The following HSCB variants were observed in gnomAD, a reference collection of about 807,000 sequenced individuals.
HSCB encodes the protein HscB mitochondrial iron-sulfur cluster cochaperone.
A neutral mutation model predicts 31.3 loss-of-function variants in HSCB; 23 were observed. The ratio of observed to expected loss-of-function variants is 0.74; its 90% confidence interval spans 0.53 to 1.04. The LOEUF (loss-of-function observed/expected upper bound fraction) is 1.04. Among genes scored for constraint, HSCB ranks in the 50% least tolerant of loss-of-function variants. The pLI is 0.00. For synonymous variants in HSCB, 110 were observed against 104.5 expected (o/e 1.05, Z -0.32); for missense variants, 297 against 288.1 (o/e 1.03, Z -0.22).
rs547852665 is a variant in HSCB at position 28,745,750 on chromosome 22, G to A, written c.424-114G>A. 362 of 833,504 alleles carry A rather than the reference G, an allele frequency of 4.3e-4. 2 individuals carry two copies. The highest frequency in any genetic ancestry group is 1.4e-3 in the Middle Eastern group (5 of 3,518). 51.6% of individuals were successfully genotyped at this position (833,504 alleles called of 1,614,324 possible). ...TGATACCCCTTAGTCTTTCATTATCGGGACAGTTGCAGTTTTCTCTATTAG... is the reference window on the plus strand; with the variant it reads ...TGATACCCCTTAGTCTTTCATTATCAGGACAGTTGCAGTTTTCTCTATTAG... On this transcript the variant is annotated intron_variant, in intron 3 of 5. Coordinates refer to ENST00000216027, the MANE Select transcript of HSCB (RefSeq NM_172002.5).
intron 5 of HSCB, among the ~76,000 whole-genome samples, chr22:28,753,283 T>C (rs931414157): frequency 5.9e-5 from 9 of 151,952 alleles, no homozygotes; most frequent in African/African-American, 1.9e-4. Flanking sequence ...CCCAGCACTT[T>C]GGGAGGCTGA....
chr22:28,749,023 C>T (rs966766269), intron 4 of HSCB, among the ~76,000 whole-genome samples: 1 of 152,072 alleles, frequency 6.6e-6, no homozygotes, highest in Non-Finnish European at 1.5e-5. Flanking sequence ...TGCCTGTAGT[C>T]CCTGCTACTC....
chr22:28,755,140 G>A (rs1272326289), intron 5 of HSCB, among the ~76,000 whole-genome samples: 2 of 148,526 alleles, frequency 1.3e-5, no homozygotes, highest in African/African-American at 2.5e-5. Flanking sequence ...GCCGGGCGCG[G>A]TGGCTCACGC....
At chr22:28,742,521 A>G (rs1488459041) in intron 1 of HSCB, 190 bp downstream of exon 1, 2 of 1,020,086 alleles carry the variant, frequency 2.0e-6, no homozygotes, top group Non-Finnish European at 2.8e-6. Context: ...GACTGAGGGA[A>G]GCAACGTTGA....
intron 4 of HSCB, among the ~76,000 whole-genome samples, chr22:28,749,366 C>G (rs2030068617): frequency 6.6e-6 from 1 of 152,088 alleles, no homozygotes; most frequent in Admixed American, 6.6e-5. Flanking sequence ...TTAAGTTAAC[C>G]CCTCCTTCTT....
At chr22:28,744,132 C>T (rs2054643277) in intron 2 of HSCB, among the ~76,000 whole-genome samples, 154 bp downstream of exon 2, 1 of 152,232 alleles carries the variant, frequency 6.6e-6, no homozygotes, top group Non-Finnish European at 1.5e-5. Context: ...CCAGAGCTGC[C>T]ATTCACTCAC....
In HSCB at chr22:28,752,772, G is replaced by A. The variant is rs531193472; in HGVS notation, c.616+1484G>A. On this transcript the variant is annotated intron_variant, in intron 5 of 5. Coordinates refer to ENST00000216027, the MANE Select transcript of HSCB (RefSeq NM_172002.5). ...AATTTGTTGACAGGAGACCTGCCAC[G>A]TAAAAAAAATGTTAAAAGAATTGAT... Among the ~76,000 whole-genome samples the A allele has an allele frequency of 2.3e-3, 355 of 151,466 alleles. 2 individuals are homozygous for A. Among genetic ancestry groups the A allele is most frequent in the African/African-American group, 8.2e-3 (337 of 41,298 alleles).
intron 4 of HSCB, among the ~76,000 whole-genome samples, chr22:28,750,943 G>GTCTTTTTTTTTTTTTTT (rs2030185852): frequency 1.6e-5 from 1 of 62,050 alleles, no homozygotes; most frequent in Non-Finnish European, 3.1e-5. Context: ...GTATATCTTT[G>GTCTTTTTTTTTTTTTTT]TCTTTTTTTT....
At position 28,750,945 on chromosome 22, in the gene HSCB, C is replaced by CTTTTTTTTTTTTTTTTTTTTT. The variant is rs758451182; in HGVS notation, c.569-292_569-272dup. On this transcript the variant is annotated intron_variant, in intron 4 of 5. Transcript: ENST00000216027. ...GGAGATAATCAAAGTATATCTTTGT[C>CTTTTTTTTTTTTTTTTTTTTT]TTTTTTTTTTTTTTTTTTTTTTTTA... Among the ~76,000 whole-genome samples, 80 of 56,452 alleles carry CTTTTTTTTTTTTTTTTTTTTT rather than the reference C, an allele frequency of 1.4e-3. 15 individuals are homozygous for CTTTTTTTTTTTTTTTTTTTTT. Among genetic ancestry groups the CTTTTTTTTTTTTTTTTTTTTT allele is most frequent in the East Asian group, 4.1e-3 (4 of 978 alleles). The allele number at this position is 56,452 out of a possible 152,430, so 37.0% of individuals were successfully genotyped here.
chr22:28,744,114 T>C, intron 2 of HSCB, 136 bp downstream of exon 2: 1 of 730,352 alleles, frequency 1.4e-6, no homozygotes, highest in South Asian at 1.5e-5. Flanking sequence ...GACCCCAGCC[T>C]GTCAGACCCA....
chr22:28,742,380 G>C, intron 1 of HSCB, 49 bp downstream of exon 1: 1 of 1,596,564 alleles, frequency 6.3e-7, no homozygotes, highest in Non-Finnish European at 8.6e-7. Context: ...GACACGTCGA[G>C]GTCTGGCCTG....
intron 4 of HSCB, among the ~76,000 whole-genome samples, chr22:28,749,622 C>T (rs2146215549): frequency 6.6e-6 from 1 of 152,246 alleles, no homozygotes; most frequent in East Asian, 1.9e-4. Flanking sequence ...TTGGTATTTA[C>T]TAAATGAGCA....
intron 4 of HSCB, among the ~76,000 whole-genome samples, chr22:28,746,298 G>C (rs6005856): frequency 9.4e-5 from 14 of 149,112 alleles, no homozygotes; most frequent in African/African-American, 3.5e-4. Context: ...GGAGAATGGC[G>C]TGAACCCGAG....
Position 28,757,138 on chromosome 22 carries a change from A to G in HSCB, c.677A>G (p.Glu226Gly), listed in dbSNP as rs764101015. 32 of 1,564,804 alleles carry G rather than the reference A, an allele frequency of 2.0e-5. No individual in the cohort carries two copies. Among genetic ancestry groups the G allele is most frequent in the Middle Eastern group, 1.7e-4 (1 of 5,744 alleles). Residue 226 changes from glutamate to glycine, a missense_variant, in exon 6 of 6, where the codon GAA becomes GGA. Glu to Gly is a moderately conservative substitution (Grantham distance 98). Coordinates refer to ENST00000216027, the MANE Select transcript of HSCB (RefSeq NM_172002.5). ...ATGAGATACTTTTCAAATATAGAAG[A>G]AAAGATCAAGTTAAAGAAGATTCCC... is the stretch of plus-strand genomic sequence containing the variant. ...TKMRYFSNIE[E>G]KIKLKKIPL
chr22:28,750,273 A>AAC (rs2030139446), intron 4 of HSCB, among the ~76,000 whole-genome samples: 1 of 145,342 alleles, frequency 6.9e-6, no homozygotes, highest in Admixed American at 7.0e-5. Context: ...AAAAAAAAAA[A>AAC]AAACACTTAT....
At position 28,757,344 on chromosome 22, in the gene HSCB, G is replaced by T. The variant is rs546782746; in HGVS notation, c.*175G>T. On this transcript the variant is annotated 3_prime_UTR_variant, in exon 6 of 6. Transcript: ENST00000216027. ...TGCTGAAAATACAAAAATTAGCCGG[G>T]CATGGTGGCGCGTGCCTGTAATCCC... 6.1e-5 allele frequency: 27 copies of T among 444,752 alleles called. No individual in the cohort carries two copies. The East Asian group carries it at 1.3e-3, about 22-fold the overall frequency. 27.6% of individuals were successfully genotyped at this position (444,752 alleles called of 1,614,324 possible). A position where few individuals can be genotyped will look rare whatever the true frequency, so the allele number is the denominator to read the frequency against.
At chr22:28,751,525 ATCACGAAG>A (rs1338548784) in intron 5 of HSCB, among the ~76,000 whole-genome samples, 1 of 152,180 alleles carries the variant, frequency 6.6e-6, no homozygotes, top group Non-Finnish European at 1.5e-5. Flanking sequence ...AGGCGGGCGG[ATCACGAAG>A]TCAGGAGATT....
At chr22:28,748,248 C>T (rs540974754) in intron 4 of HSCB, among the ~76,000 whole-genome samples, 4 of 152,292 alleles carry the variant, frequency 2.6e-5, no homozygotes, top group South Asian at 2.1e-4. Context: ...CTTGCACAAG[C>T]GTAAATTCTG....
Position 28,745,948 on chromosome 22 carries a change from GA to G in HSCB, c.513del (p.Lys171AsnfsTer11). The G allele has an allele frequency of 1.2e-6, 2 of 1,613,832 alleles. No homozygotes were observed. The highest frequency in any genetic ancestry group is 1.7e-6 in the Non-Finnish European group (2 of 1,179,882). On this transcript the variant is annotated frameshift_variant, in exon 4 of 6. Coordinates refer to ENST00000216027, the MANE Select transcript of HSCB (RefSeq NM_172002.5). LOFTEE classifies it high-confidence loss of function. ...QFLIEIMEIN[E>X]KLAEAESEAA... The stretch of plus-strand genomic sequence containing the variant: ...CCTCATAGAAATAATGGAAATCAAT[GA>G]AAAACTCGCAGAAGCTGAAAGTGAA...
Sources: gnomAD v4.1 joint callset for allele counts (sites outside exome capture counted in the v4.1 genomes callset) on GRCh38, gnomAD v4.1.1 for gene constraint, MANE v1.5 for transcripts, NCBI Gene and HGNC (gene_info 2026-07-23, HGNC 2026-07-21) for gene names.